Variants in CLDN24 observed in about 807,000 individuals in gnomAD.
CLDN24 encodes claudin-24.
For synonymous variants in CLDN24, 103 were observed against 104.7 expected (o/e 0.98, Z 0.10); for missense variants, 217 against 253.9 (o/e 0.85, Z 0.99).
At position 183,321,781 on chromosome 4, in the gene CLDN24, C is replaced by T. The variant is rs1336162329; in HGVS notation, c.646G>A (p.Ala216Thr). The change falls in exon 1 of 1, where the codon GCA becomes ACA. Residue 216 changes from alanine to threonine, a missense_variant. Coordinates refer to ENST00000541814, the MANE Select transcript of CLDN24 (RefSeq NM_001185149.1). ...TQCPYLEDGT[A>T]DPQV ...TCGGAGTCTTACACTTGAGGATCTG[C>T]TGTCCCATCTTCCAGGTAGGGACAC... 7 of 1,546,512 alleles carry T rather than the reference C, an allele frequency of 4.5e-6. No homozygotes were observed. The highest frequency in any genetic ancestry group is 6.1e-6 in the Non-Finnish European group (7 of 1,146,206).
In CLDN24 at chr4:183,322,024, C is replaced by A; in HGVS notation, c.403G>T (p.Val135Phe). ...LSWASGITAL[V>F]PVSWVAHKTV... ...TTGTGGGCAACCCAAGAGACGGGAA[C>A]CAGGGCTGTGATTCCCGAGGCCCAG... The change falls in exon 1 of 1, where the codon GTT becomes TTT. Residue 135 changes from valine to phenylalanine, a missense_variant. By Grantham distance (50) the Val-to-Phe change is conservative. Coordinates refer to ENST00000541814, the MANE Select transcript of CLDN24 (RefSeq NM_001185149.1). 2 of 1,613,826 alleles carry A rather than the reference C, an allele frequency of 1.2e-6. No individual in the cohort carries two copies. The highest frequency in any genetic ancestry group is 1.7e-6 in the Non-Finnish European group (2 of 1,179,822).
rs777992776 is a variant in CLDN24, at chr4:183,321,956, G to A, written c.471C>T (p.Val157=). 4 of 1,593,682 alleles carry A rather than the reference G, an allele frequency of 2.5e-6. No homozygotes were observed. Among genetic ancestry groups the A allele is most frequent in the Non-Finnish European group, 3.4e-6 (4 of 1,170,102 alleles). ...EFWDENVPDF[V]PRWEFGEALF... is the part of the protein sequence containing the mutation. ...GGGCCTCCCCAAACTCCCACCTGGG[G>A]ACAAAGTCTGGGACGTTCTCATCCC... The change falls in exon 1 of 1, where the codon GTC becomes GTT. Residue 157 remains valine (V), a synonymous_variant. Transcript: ENST00000541814.
rs758091953 is a variant in CLDN24, at chr4:183,321,935, C to T, written c.492G>A (p.Glu164=). Residue 164 remains glutamate (E), a synonymous_variant, in exon 1 of 1, where the codon GAG becomes GAA. Coordinates refer to ENST00000541814, the MANE Select transcript of CLDN24 (RefSeq NM_001185149.1). ...PDFVPRWEFG[E]ALFLGWFAGL... The stretch of plus-strand genomic sequence containing the variant: ...CAGCAAACCAGCCCAGAAACAGGGC[C>T]TCCCCAAACTCCCACCTGGGGACAA... The T allele has an allele frequency of 3.8e-6, 6 of 1,587,406 alleles. No homozygotes were observed. The Admixed American group carries it at 8.9e-5, about 24-fold the overall frequency.
At position 183,322,252 on chromosome 4, in the gene CLDN24, C is replaced by A; in HGVS notation, c.175G>T (p.Glu59Ter). The change falls in exon 1 of 1, where the codon GAA becomes TAA. Residue 59 changes from glutamate to a stop codon, truncating the protein, a stop_gained. Transcript: ENST00000541814. LOFTEE classifies it low-confidence loss of function (END_TRUNC). ...GLWQTCVIQE[E>*]VGMQCKDFDS... ...AAGTCCTTGCATTGCATCCCCACTT[C>A]CTCTTGGATGACACAGGTTTGCCAG... 2 of 1,614,036 alleles carry A rather than the reference C, an allele frequency of 1.2e-6. No individual in the cohort carries two copies. Among genetic ancestry groups the A allele is most frequent in the Non-Finnish European group, 1.7e-6 (2 of 1,180,006 alleles).
At position 183,322,190 on chromosome 4, in the gene CLDN24, G is replaced by A; in HGVS notation, c.237C>T (p.Val79=). 5.0e-6 allele frequency: 8 copies of A among 1,613,352 alleles called. No individual in the cohort carries two copies. The highest frequency in any genetic ancestry group is 6.8e-6 in the Non-Finnish European group (8 of 1,179,544). ...TTGACAGAAACATTAAGATCCTGGAGACCCTGAGTTCAGCAGGCAAAGCCA... is the reference window on the plus strand; with the variant it reads ...TTGACAGAAACATTAAGATCCTGGAAACCCTGAGTTCAGCAGGCAAAGCCA... ...SFLALPAELR[V]SRILMFLSNG... is the part of the protein sequence containing the mutation. Residue 79 remains valine, a synonymous_variant, in exon 1 of 1, where the codon GTC becomes GTT. Coordinates refer to ENST00000541814, the MANE Select transcript of CLDN24 (RefSeq NM_001185149.1).
rs762960262 is a variant in CLDN24 at position 183,322,355 on chromosome 4, G to T, written c.72C>A (p.Ser24=). 1.7e-5 allele frequency: 27 copies of T among 1,613,282 alleles called. No homozygotes were observed. Among genetic ancestry groups the T allele is most frequent in the Non-Finnish European group, 2.1e-5 (25 of 1,180,016 alleles). ...LLLSLLGWIL[S]IITTYLPHWK... ...AGTGTGGCAAATAAGTTGTAATAAT[G>T]GATAAAATCCATCCCAGGAGAGATA... Residue 24 remains serine, a synonymous_variant, in exon 1 of 1, where the codon TCC becomes TCA. Transcript: ENST00000541814.
chr4:183,321,831 T>G lies in CLDN24; in HGVS notation c.596A>C (p.Tyr199Ser). 1.9e-6 allele frequency: 3 copies of G among 1,553,452 alleles called. No individual in the cohort carries two copies. The highest frequency in any genetic ancestry group is 2.6e-6 in the Non-Finnish European group (3 of 1,148,074). ...SSHAPLALGH[Y>S]AVAQMQTQCP... ...CTGAGTTTGCATTTGCGCCACTGCA[T>G]AGTGGCCCAAAGCTAGGGGAGCGTG... Residue 199 changes from tyrosine to serine, a missense_variant, in exon 1 of 1, where the codon TAT (tyrosine) becomes TCT (serine). Physicochemically the swap from Tyr to Ser is moderately radical, Grantham distance 144. Coordinates refer to ENST00000541814, the MANE Select transcript of CLDN24 (RefSeq NM_001185149.1).
chr4:183,322,149 A>G lies in CLDN24; in HGVS notation c.278T>C (p.Leu93Pro). ...LMFLSNGLGF[L>P]GLLVSGFGLD... is the part of the protein sequence containing the mutation. Reference sequence around the variant, plus strand: ...GCCAAACCCAGAGACCAGCAGGCCCAGAAATCCCAGCCCATTTGACAGAAA... The same window carrying G: ...GCCAAACCCAGAGACCAGCAGGCCCGGAAATCCCAGCCCATTTGACAGAAA... Residue 93 changes from leucine (L) to proline (P), a missense_variant, in exon 1 of 1, where the codon CTG becomes CCG. Coordinates refer to ENST00000541814, the MANE Select transcript of CLDN24 (RefSeq NM_001185149.1). 1 of 1,613,010 alleles carries G rather than the reference A, an allele frequency of 6.2e-7. No individual in the cohort carries two copies. The highest frequency in any genetic ancestry group is 8.5e-7 in the Non-Finnish European group (1 of 1,179,338).
rs1476603604 is a variant in CLDN24, at chr4:183,321,901, G to T, written c.526C>A (p.Leu176Ile). 3 of 1,581,102 alleles carry T rather than the reference G, an allele frequency of 1.9e-6. No individual in the cohort carries two copies. Among genetic ancestry groups the T allele is most frequent in the Non-Finnish European group, 8.6e-7 (1 of 1,163,506 alleles). Residue 176 changes from leucine to isoleucine, a missense_variant, in exon 1 of 1, where the codon CTT becomes ATT. Leu to Ile is a conservative substitution (Grantham distance 5). Transcript: ENST00000541814. ...LFLGWFAGLS[L>I]LLGGCLLNCA... Reference sequence around the variant, plus strand: ...TTGAGCAGACACCCTCCTAGCAGAAGAGAAAGTCCAGCAAACCAGCCCAGA... The same window carrying T: ...TTGAGCAGACACCCTCCTAGCAGAATAGAAAGTCCAGCAAACCAGCCCAGA...
In CLDN24 at chr4:183,322,201, C is replaced by A. The variant is rs1248521255; in HGVS notation, c.226G>T (p.Glu76Ter). 6.2e-7 allele frequency: 1 copy of A among 1,613,562 alleles called. No individual in the cohort carries two copies. Among genetic ancestry groups the A allele is most frequent in the East Asian group, 2.2e-5 (1 of 44,874 alleles). Residue 76 changes from glutamate to a stop codon, truncating the protein, a stop_gained, in exon 1 of 1, where the codon GAA becomes TAA. Transcript: ENST00000541814. LOFTEE classifies it low-confidence loss of function (END_TRUNC). The stretch of plus-strand genomic sequence containing the variant: ...ATTAAGATCCTGGAGACCCTGAGTT[C>A]AGCAGGCAAAGCCAGGAAGGAGTCA... ...DFDSFLALPA[E>*]LRVSRILMFL...
Position 183,322,184 on chromosome 4 carries a change from C to G in CLDN24, c.243G>C (p.Arg81Ser). The G allele has an allele frequency of 6.2e-7, 1 of 1,613,258 alleles. No homozygotes were observed. Among genetic ancestry groups the G allele is most frequent in the Non-Finnish European group, 8.5e-7 (1 of 1,179,500 alleles). The change falls in exon 1 of 1, where the codon AGG (arginine) becomes AGC (serine). Residue 81 changes from arginine (R) to serine (S), a missense_variant. Coordinates refer to ENST00000541814, the MANE Select transcript of CLDN24 (RefSeq NM_001185149.1). ...GCCCATTTGACAGAAACATTAAGAT[C>G]CTGGAGACCCTGAGTTCAGCAGGCA... Reference protein sequence around the residue: ...LALPAELRVSRILMFLSNGLG... With the variant: ...LALPAELRVSSILMFLSNGLG...
chr4:183,321,911 A>G lies in CLDN24; in HGVS notation c.516T>C (p.Ala172=). 4.4e-6 allele frequency: 7 copies of G among 1,583,790 alleles called. No individual in the cohort carries two copies. Among genetic ancestry groups the G allele is most frequent in the Non-Finnish European group, 6.0e-6 (7 of 1,164,828 alleles). Reference sequence around the variant, plus strand: ...ACCCTCCTAGCAGAAGAGAAAGTCCAGCAAACCAGCCCAGAAACAGGGCCT... The same window carrying G: ...ACCCTCCTAGCAGAAGAGAAAGTCCGGCAAACCAGCCCAGAAACAGGGCCT... The part of the protein sequence containing the change: ...FGEALFLGWF[A]GLSLLLGGCL... Residue 172 remains alanine (A), a synonymous_variant, in exon 1 of 1, where the codon GCT becomes GCC. Coordinates refer to ENST00000541814, the MANE Select transcript of CLDN24 (RefSeq NM_001185149.1).
rs961232677 is a variant in CLDN24, at chr4:183,322,259, G to A, written c.168C>T (p.Ile56=). 12 of 1,614,014 alleles carry A rather than the reference G, an allele frequency of 7.4e-6. No individual in the cohort carries two copies. The highest frequency in any genetic ancestry group is 1.0e-5 in the Non-Finnish European group (12 of 1,180,010). Residue 56 remains isoleucine, a synonymous_variant, in exon 1 of 1, where the codon ATC becomes ATT. Transcript: ENST00000541814. ...TGCATTGCATCCCCACTTCCTCTTG[G>A]ATGACACAGGTTTGCCAGAGTCCCA... ...WTMGLWQTCV[I]QEEVGMQCKD... is the part of the protein sequence containing the mutation.
chr4:183,321,885 C>T lies in CLDN24; in HGVS notation c.542G>A (p.Cys181Tyr), dbSNP rs775813872. The change falls in exon 1 of 1, where the codon TGT becomes TAT. Residue 181 changes from cysteine to tyrosine, a missense_variant. By Grantham distance (194) the Cys-to-Tyr change is radical (BLOSUM62 -2). Transcript: ENST00000541814. ...GGAGCAGGCTGCGCAGTTGAGCAGACACCCTCCTAGCAGAAGAGAAAGTCC... is the reference window on the plus strand; with the variant it reads ...GGAGCAGGCTGCGCAGTTGAGCAGATACCCTCCTAGCAGAAGAGAAAGTCC... ...FAGLSLLLGG[C>Y]LLNCAACSSH... 3 of 1,574,396 alleles carry T rather than the reference C, an allele frequency of 1.9e-6. No homozygotes were observed. The African/African-American group carries it at 4.1e-5, about 21-fold the overall frequency.
rs1298956610 is a variant in CLDN24, at chr4:183,321,926, A to G, written c.501T>C (p.Phe167=). ...VPRWEFGEAL[F]LGWFAGLSLL... Reference sequence around the variant, plus strand: ...GAGAAAGTCCAGCAAACCAGCCCAGAAACAGGGCCTCCCCAAACTCCCACC... The same window carrying G: ...GAGAAAGTCCAGCAAACCAGCCCAGGAACAGGGCCTCCCCAAACTCCCACC... The change falls in exon 1 of 1, where the codon TTT becomes TTC. Residue 167 remains phenylalanine (F), a synonymous_variant. Transcript: ENST00000541814. The G allele has an allele frequency of 1.3e-6, 2 of 1,587,888 alleles. No homozygotes were observed. The highest frequency in any genetic ancestry group is 1.8e-5 in the Admixed American group (1 of 56,228).
At position 183,322,408 on chromosome 4, in the gene CLDN24, T is replaced by C. The variant is rs754313148; in HGVS notation, c.19A>G (p.Thr7Ala). MALIFRTAMQSVGLLLS... is the reference protein window; with the variant it reads MALIFRAAMQSVGLLLS... Reference sequence around the variant, plus strand: ...AAAAGTCCAACAGATTGCATTGCTGTTCTAAAGATTAAAGCCATTGCGACA... The same window carrying C: ...AAAAGTCCAACAGATTGCATTGCTGCTCTAAAGATTAAAGCCATTGCGACA... The change falls in exon 1 of 1, where the codon ACA (threonine) becomes GCA (alanine). Residue 7 changes from threonine (T) to alanine (A), a missense_variant. By Grantham distance (58) the Thr-to-Ala change is moderately conservative. Coordinates refer to ENST00000541814, the MANE Select transcript of CLDN24 (RefSeq NM_001185149.1). 6.2e-7 allele frequency: 1 copy of C among 1,604,950 alleles called. No homozygotes were observed.
At position 183,322,254 on chromosome 4, in the gene CLDN24, T is replaced by C. The variant is rs753303331; in HGVS notation, c.173A>G (p.Glu58Gly). Residue 58 changes from glutamate to glycine, a missense_variant, in exon 1 of 1, where the codon GAG becomes GGG. Physicochemically the swap from Glu to Gly is moderately conservative, Grantham distance 98 (BLOSUM62 -2). Transcript: ENST00000541814. ...MGLWQTCVIQ[E>G]EVGMQCKDFD... Reference sequence around the variant, plus strand: ...GTCCTTGCATTGCATCCCCACTTCCTCTTGGATGACACAGGTTTGCCAGAG... The same window carrying C: ...GTCCTTGCATTGCATCCCCACTTCCCCTTGGATGACACAGGTTTGCCAGAG... 3 of 1,614,072 alleles carry C rather than the reference T, an allele frequency of 1.9e-6. No individual in the cohort carries two copies. The highest frequency in any genetic ancestry group is 2.2e-5 in the South Asian group (2 of 91,076).
chr4:183,322,164 T>C lies in CLDN24; in HGVS notation c.263A>G (p.Asn88Ser), dbSNP rs1579088389. 1 of 1,612,888 alleles carries C rather than the reference T, an allele frequency of 6.2e-7. No homozygotes were observed. The highest frequency in any genetic ancestry group is 8.5e-7 in the Non-Finnish European group (1 of 1,179,254). The change falls in exon 1 of 1, where the codon AAT becomes AGT. Residue 88 changes from asparagine to serine, a missense_variant. Asn to Ser is a conservative substitution (Grantham distance 46). Transcript: ENST00000541814. Reference sequence around the variant, plus strand: ...CAGCAGGCCCAGAAATCCCAGCCCATTTGACAGAAACATTAAGATCCTGGA... The same window carrying C: ...CAGCAGGCCCAGAAATCCCAGCCCACTTGACAGAAACATTAAGATCCTGGA... ...RVSRILMFLSNGLGFLGLLVS... is the reference protein window; with the variant it reads ...RVSRILMFLSSGLGFLGLLVS...
At position 183,322,106 on chromosome 4, in the gene CLDN24, A is replaced by T. The variant is rs750715404; in HGVS notation, c.321T>A (p.Ile107=). The part of the protein sequence containing the change: ...VSGFGLDCLR[I]GESQRDLKRR... ...TCTTGAGATCTCTCTGACTCTCTCC[A>T]ATTCTCAAACAGTCCAGGCCAAACC... Residue 107 remains isoleucine, a synonymous_variant, in exon 1 of 1, where the codon ATT becomes ATA. Coordinates refer to ENST00000541814, the MANE Select transcript of CLDN24 (RefSeq NM_001185149.1). 20 of 1,613,740 alleles carry T rather than the reference A, an allele frequency of 1.2e-5. No individual in the cohort carries two copies. Among genetic ancestry groups the T allele is most frequent in the Non-Finnish European group, 1.2e-5 (14 of 1,179,862 alleles).
Sources: allele counts gnomAD v4.1 joint callset, GRCh38; gene constraint gnomAD v4.1.1; transcripts MANE v1.5; gene names NCBI Gene and HGNC (gene_info 2026-07-23, HGNC 2026-07-21).